NLGN1: variants seen among roughly 807,000 people sequenced by gnomAD.
NLGN1 encodes the protein neuroligin-1.
A neutral mutation model predicts 65.5 loss-of-function variants in NLGN1; 12 were observed. The observed-to-expected ratio is 0.18, with a 90% CI of 0.12 to 0.30. The LOEUF (loss-of-function observed/expected upper bound fraction) is 0.30, where lower values mean the gene tolerates loss of function less well. Among genes scored for constraint, NLGN1 ranks in the 10% least tolerant of loss-of-function variants. The pLI is 1.00. For missense variants in NLGN1, 750 were observed against 1,007.1 expected (o/e 0.74, Z 3.46); for synonymous variants, 350 against 359.5 (o/e 0.97, Z 0.30).
intron 4 of NLGN1, among the ~76,000 whole-genome samples, chr3:174,087,555 GTACTC>G (rs1446813218): frequency 6.6e-6 from 1 of 151,952 alleles, no homozygotes; most frequent in Non-Finnish European, 1.5e-5. Flanking sequence ...AATACGTCCC[GTACTC>G]TCACCCCTAA....
intron 2 of NLGN1, among the ~76,000 whole-genome samples, chr3:173,517,036 T>G (rs998625319): frequency 2.0e-5 from 3 of 152,028 alleles, no homozygotes; most frequent in Admixed American, 1.3e-4. Flanking sequence ...GATCTGCCAC[T>G]TAGTAGGCAA....
chr3:173,723,136 A>G (rs967724071), intron 3 of NLGN1, among the ~76,000 whole-genome samples: 2 of 152,198 alleles, frequency 1.3e-5, no homozygotes, highest in African/African-American at 4.8e-5. Context: ...CTTGAAGGCC[A>G]TTGCGGCTAG....
chr3:173,605,655 T>C (rs1425031421), intron 3 of NLGN1, 62 bp downstream of exon 3: 3 of 768,478 alleles, frequency 3.9e-6, no homozygotes, highest in South Asian at 1.4e-5. Context: ...AACAAGATAC[T>C]CTCCCTAAGG....
intron 2 of NLGN1, among the ~76,000 whole-genome samples, chr3:173,539,624 TTA>T (rs1491158935): frequency 1.6e-4 from 9 of 55,052 alleles, no homozygotes; most frequent in Non-Finnish European, 2.4e-4. Flanking sequence ...TATTATATAT[TTA>T]TATATACACA....
At chr3:174,251,198 T>G (rs1744711112) in intron 4 of NLGN1, among the ~76,000 whole-genome samples, 1 of 152,204 alleles carries the variant, frequency 6.6e-6, no homozygotes, top group African/African-American at 2.4e-5. Flanking sequence ...TTTCAAATAA[T>G]GTTTATTTAT....
intron 2 of NLGN1, among the ~76,000 whole-genome samples, chr3:173,567,913 A>G (rs1201600877): frequency 3.3e-5 from 5 of 152,108 alleles, no homozygotes; most frequent in Admixed American, 3.3e-4. Context: ...GATAAATTAA[A>G]CTATTAACAG....
intron 2 of NLGN1, among the ~76,000 whole-genome samples, chr3:173,528,977 T>C (rs1430104703): frequency 2.0e-5 from 3 of 152,180 alleles, no homozygotes; most frequent in Non-Finnish European, 4.4e-5. Flanking sequence ...AGAGAGCTAG[T>C]GTGATCCTTT....
intron 4 of NLGN1, among the ~76,000 whole-genome samples, chr3:174,212,736 G>A (rs971503712): frequency 8.5e-5 from 13 of 152,188 alleles, no homozygotes; most frequent in African/African-American, 3.1e-4. Flanking sequence ...TATTACAATT[G>A]CACATGTCAG....
chr3:173,676,656 A>T (rs931343459), intron 3 of NLGN1, among the ~76,000 whole-genome samples: 6 of 152,086 alleles, frequency 3.9e-5, no homozygotes, highest in African/African-American at 1.4e-4. Flanking sequence ...TTGTATTCTA[A>T]TTTTTATTGG....
chr3:173,445,043 C>T (rs898160743), intron 2 of NLGN1, among the ~76,000 whole-genome samples: 2 of 150,768 alleles, frequency 1.3e-5, no homozygotes, highest in Admixed American at 1.3e-4. Flanking sequence ...CCGAGGCGGG[C>T]GGATCACGAG....
At chr3:173,898,481 G>C (rs535344797) in intron 4 of NLGN1, among the ~76,000 whole-genome samples, 203 of 152,282 alleles carry the variant, frequency 1.3e-3, no homozygotes, top group African/African-American at 4.5e-3. Context: ...CCATAGAAAT[G>C]AGTAAATGCT....
At chr3:174,190,003 G>A (rs935087629) in intron 4 of NLGN1, among the ~76,000 whole-genome samples, 3 of 152,016 alleles carry the variant, frequency 2.0e-5, no homozygotes, top group East Asian at 1.9e-4. Context: ...TTACAGCTAG[G>A]TGACTTGAAT....
At chr3:173,641,012 A>C (rs1458890151) in intron 3 of NLGN1, among the ~76,000 whole-genome samples, 10 of 152,204 alleles carry the variant, frequency 6.6e-5, no homozygotes, top group Non-Finnish European at 1.5e-4. Context: ...CTTCATGATT[A>C]ATAATCAAAC....
chr3:173,723,467 A>C (rs1278935379), intron 3 of NLGN1, among the ~76,000 whole-genome samples: 1 of 152,142 alleles, frequency 6.6e-6, no homozygotes, highest in Non-Finnish European at 1.5e-5. Context: ...TTTTACATAC[A>C]CAATAACTTC....
At chr3:174,106,155 A>C (rs1713742172) in intron 4 of NLGN1, among the ~76,000 whole-genome samples, 1 of 152,172 alleles carries the variant, frequency 6.6e-6, no homozygotes, top group African/African-American at 2.4e-5. Context: ...ATCACCGAGG[A>C]AGGATTTTAA....
At chr3:174,275,602 G>A (rs1282177665) in intron 5 of NLGN1, 75 bp downstream of exon 5, 2 of 850,676 alleles carry the variant, frequency 2.4e-6, no homozygotes, top group Non-Finnish European at 3.9e-6. Context: ...GTGATGCTCT[G>A]TATATTTCTC....
At chr3:174,172,378 G>A (rs1577206960) in intron 4 of NLGN1, among the ~76,000 whole-genome samples, 1 of 151,822 alleles carries the variant, frequency 6.6e-6, no homozygotes, top group Admixed American at 6.6e-5. Flanking sequence ...AGCAAATACT[G>A]GGTCTTATTC....
intron 4 of NLGN1, among the ~76,000 whole-genome samples, chr3:173,856,303 T>G (rs1462381974): frequency 6.6e-6 from 1 of 152,122 alleles, no homozygotes; most frequent in East Asian, 1.9e-4. Flanking sequence ...TTAACTACTA[T>G]GCTGTGCACC....
At chr3:174,231,800 T>C (rs1479514715) in intron 4 of NLGN1, among the ~76,000 whole-genome samples, 1 of 152,186 alleles carries the variant, frequency 6.6e-6, no homozygotes. Flanking sequence ...TCAAAATTGC[T>C]TCCCTTTTCG....
Sources: gnomAD v4.1 joint callset for allele counts (sites outside exome capture counted in the v4.1 genomes callset) on GRCh38, gnomAD v4.1.1 for gene constraint, MANE v1.5 for transcripts, NCBI Gene and HGNC (gene_info 2026-07-23, HGNC 2026-07-21) for gene names.